The following AVEN variants were observed in gnomAD, a reference collection of about 807,000 sequenced individuals.
AVEN encodes apoptosis and caspase activation inhibitor, also known as cell death regulator Aven.
AVEN carries 41 observed loss-of-function variants against 38.1 expected under a neutral mutation model. The observed-to-expected ratio is 1.08, with a 90% CI of 0.84 to 1.40. The LOEUF (loss-of-function observed/expected upper bound fraction) is 1.40. Ranked by LOEUF, AVEN falls within the 40% of genes most tolerant of loss-of-function variation. The pLI, the probability that AVEN is intolerant of heterozygous loss-of-function variation, is 0.00. For missense variants in AVEN, 605 were observed against 438.8 expected (o/e 1.38, Z -3.38); for synonymous variants, 206 against 171.8 (o/e 1.20, Z -1.56).
At chr15:33,893,940 T>C (rs1422214229) in intron 2 of AVEN, among the ~76,000 whole-genome samples, 1 of 143,404 alleles carries the variant, frequency 7.0e-6, no homozygotes, top group South Asian at 2.2e-4. Context: ...AGGAGCAACC[T>C]TGATGCCAAG....
intron 2 of AVEN, among the ~76,000 whole-genome samples, chr15:33,917,766 A>G (rs1028563000): frequency 3.3e-5 from 5 of 152,190 alleles, no homozygotes; most frequent in Admixed American, 2.0e-4. Flanking sequence ...GTTCTCACTC[A>G]TAAGTGGGAG....
At chr15:34,031,168 A>ATTTTTTTTTTTTTTTTTTTTTT (rs34414446) in intron 1 of AVEN, among the ~76,000 whole-genome samples, 7 of 67,600 alleles carry the variant, frequency 1.0e-4, no homozygotes, top group South Asian at 6.1e-4. Flanking sequence ...GCTTAGGTTA[A>ATTTTTTTTTTTTTTTTTTTTTT]TTTTTTTTTT....
chr15:33,938,429 T>C (rs1167035084), intron 2 of AVEN, among the ~76,000 whole-genome samples: 3 of 151,988 alleles, frequency 2.0e-5, no homozygotes, highest in African/African-American at 7.3e-5. Flanking sequence ...CACTCCAGCC[T>C]GGGTGACAGA....
chr15:33,869,771 T>C (rs559758090), intron 4 of AVEN, among the ~76,000 whole-genome samples: 1 of 152,132 alleles, frequency 6.6e-6, no homozygotes, highest in Non-Finnish European at 1.5e-5. Context: ...AGAAGGAAGT[T>C]GATAATTTCA....
At chr15:33,931,431 C>T (rs1010701671) in intron 2 of AVEN, among the ~76,000 whole-genome samples, 1 of 142,942 alleles carries the variant, frequency 7.0e-6, no homozygotes, top group African/African-American at 2.7e-5. Flanking sequence ...AGTGCAGTGG[C>T]ACAATCTCGG....
intron 2 of AVEN, among the ~76,000 whole-genome samples, chr15:33,966,184 C>A (rs557410468): frequency 6.6e-6 from 1 of 152,198 alleles, no homozygotes; most frequent in South Asian, 2.1e-4. Context: ...TCCAGCAGAA[C>A]CTGCATATTT....
intron 2 of AVEN, among the ~76,000 whole-genome samples, chr15:33,937,748 G>A (rs919307197): frequency 6.6e-6 from 1 of 151,866 alleles, no homozygotes; most frequent in Non-Finnish European, 1.5e-5. Context: ...TGCCCTGTGA[G>A]CACAGGGAGA....
At chr15:33,864,087 T>C (rs1473261372), downstream of AVEN, 1 of 1,392,632 alleles carries the variant, frequency 7.2e-7, no homozygotes, top group Non-Finnish European at 1.0e-6. Context: ...TCCATGCGAA[T>C]GAACTTGGGT....
chr15:33,887,917 G>A (rs943535179), intron 2 of AVEN, among the ~76,000 whole-genome samples: 1 of 152,030 alleles, frequency 6.6e-6, no homozygotes, highest in Non-Finnish European at 1.5e-5. Flanking sequence ...AAGCTTCCGG[G>A]TCCAATGCCT....
intron 3 of AVEN, among the ~76,000 whole-genome samples, chr15:33,873,270 T>C (rs1010457529): frequency 1.3e-5 from 2 of 150,788 alleles, no homozygotes; most frequent in Non-Finnish European, 3.0e-5. Context: ...CAGCTAATTT[T>C]TGTATTTTCA....
At chr15:33,928,163 G>A (rs1174948492) in intron 2 of AVEN, among the ~76,000 whole-genome samples, 1 of 152,176 alleles carries the variant, frequency 6.6e-6, no homozygotes, top group Non-Finnish European at 1.5e-5. Flanking sequence ...GTTGAGTAAG[G>A]CAGTAAAATA....
intron 2 of AVEN, among the ~76,000 whole-genome samples, chr15:33,951,725 G>T (rs187696344): frequency 6.6e-6 from 1 of 151,922 alleles, no homozygotes; most frequent in Non-Finnish European, 1.5e-5. Flanking sequence ...GGAGGTAAAG[G>T]CTACTTTATA....
chr15:33,879,468 G>T (rs1891393303), intron 2 of AVEN, among the ~76,000 whole-genome samples: 1 of 150,910 alleles, frequency 6.6e-6, no homozygotes, highest in Non-Finnish European at 1.5e-5. Flanking sequence ...CGAGTTAATG[G>T]GTGCAGCACA....
chr15:33,892,383 C>T (rs1475810470), intron 2 of AVEN, among the ~76,000 whole-genome samples: 1 of 151,982 alleles, frequency 6.6e-6, no homozygotes, highest in Non-Finnish European at 1.5e-5. Flanking sequence ...GTCTTTAATC[C>T]ATCGTGAATT....
At chr15:33,934,187 A>G (rs1893975568) in intron 2 of AVEN, among the ~76,000 whole-genome samples, 1 of 150,014 alleles carries the variant, frequency 6.7e-6, no homozygotes, top group Non-Finnish European at 1.5e-5. Context: ...CAGCCTAGGC[A>G]ACATAGCAAG....
chr15:33,915,701 G>A (rs933220350), intron 2 of AVEN, among the ~76,000 whole-genome samples: 1 of 152,212 alleles, frequency 6.6e-6, no homozygotes. Flanking sequence ...CAGGAGTGCA[G>A]ACACAGCACA....
chr15:33,994,166 T>A (rs1422985546), intron 2 of AVEN, among the ~76,000 whole-genome samples: 1 of 152,184 alleles, frequency 6.6e-6, no homozygotes, highest in African/African-American at 2.4e-5. Context: ...TTCTTCTCTA[T>A]TTACAGCCAC....
intron 2 of AVEN, among the ~76,000 whole-genome samples, chr15:33,958,593 G>C (rs58684861): frequency 9.8e-5 from 12 of 122,328 alleles, no homozygotes; most frequent in Non-Finnish European, 2.0e-4. Flanking sequence ...CCTATCTCAA[G>C]AAAAAAAAAA....
chr15:34,007,866 C>T (rs1426641887), intron 1 of AVEN, among the ~76,000 whole-genome samples: 1 of 152,140 alleles, frequency 6.6e-6, no homozygotes, highest in African/African-American at 2.4e-5. Flanking sequence ...TTGCTGGCAA[C>T]CTTAGCATTC....
Sources: allele counts gnomAD v4.1 joint callset (sites outside exome capture counted in the v4.1 genomes callset), GRCh38; gene constraint gnomAD v4.1.1; transcripts MANE v1.5; gene names NCBI Gene and HGNC (gene_info 2026-07-23, HGNC 2026-07-21).